The following DMXL2 variants were observed in gnomAD, a reference collection of about 807,000 sequenced individuals.
DMXL2 encodes the protein dmX-like protein 2.
DMXL2 carries 103 observed loss-of-function variants against 331.1 expected under a neutral mutation model. The observed-to-expected ratio is 0.31, with a 90% confidence interval of 0.27 to 0.37. The LOEUF (loss-of-function observed/expected upper bound fraction) is 0.37. Ranked by LOEUF, DMXL2 falls within the 10% of genes least tolerant of loss-of-function variation. The pLI, the probability that DMXL2 is intolerant of heterozygous loss-of-function variation, is 1.00. For synonymous variants in DMXL2, 1,281 were observed against 1,252.1 expected (o/e 1.02, Z -0.49); for missense variants, 3,171 against 3,642.9 (o/e 0.87, Z 3.33).
In DMXL2 at chr15:51,451,704, A is replaced by G; in HGVS notation, c.8697-7T>C. ...GTCCCAGAGGCAAACATTTCTTTTA[A>G]AGAAACACAATAACAAAAATACATC... On this transcript the variant is annotated splice_region_variant and splice_polypyrimidine_tract_variant and intron_variant, in intron 41 of 43. Coordinates refer to ENST00000560891, the MANE Select transcript of DMXL2 (RefSeq NM_001378457.1). 6.2e-7 allele frequency: 1 copy of G among 1,610,452 alleles called. No individual in the cohort carries two copies. The highest frequency in any genetic ancestry group is 8.5e-7 in the Non-Finnish European group (1 of 1,177,434).
rs1262352917 is a variant in DMXL2 at position 51,478,297 on chromosome 15, T to C, written c.6807A>G (p.Gln2269=). ...TGTAGCTATGACTGTCACATAATGC[T>C]TGGTAAATTGATGCAGAAAGTGATG... ...LAASLSASIY[Q]ALCDSHSYSS... Residue 2269 remains glutamine (Q), a synonymous_variant, in exon 26 of 44, where the codon CAA becomes CAG. Coordinates refer to ENST00000560891, the MANE Select transcript of DMXL2 (RefSeq NM_001378457.1). 7 of 1,613,110 alleles carry C rather than the reference T, an allele frequency of 4.3e-6. No individual in the cohort carries two copies. Among genetic ancestry groups the C allele is most frequent in the Non-Finnish European group, 5.9e-6 (7 of 1,179,512 alleles).
chr15:51,592,114 C>G (rs967946532), intron 1 of DMXL2, among the ~76,000 whole-genome samples: 12 of 152,060 alleles, frequency 7.9e-5, no homozygotes, highest in Admixed American at 6.6e-4. Flanking sequence ...GATCAAACTA[C>G]TCCGAGCTAA....
At chr15:51,519,473 A>G (rs1235491396) in intron 13 of DMXL2, among the ~76,000 whole-genome samples, 1 of 151,982 alleles carries the variant, frequency 6.6e-6, no homozygotes, top group Non-Finnish European at 1.5e-5. Context: ...AAAAATTGAA[A>G]AGTAGGTGCA....
At chr15:51,581,939 T>C (rs1239296153) in intron 1 of DMXL2, among the ~76,000 whole-genome samples, 2 of 151,970 alleles carry the variant, frequency 1.3e-5, no homozygotes, top group East Asian at 1.9e-4. Context: ...TGTTGAGAGG[T>C]TTAACAAAGT....
At chr15:51,509,532 C>T (rs929209182) in intron 15 of DMXL2, among the ~76,000 whole-genome samples, 2 of 152,190 alleles carry the variant, frequency 1.3e-5, no homozygotes, top group African/African-American at 4.8e-5. Context: ...CTGAATAGAC[C>T]AATAACAAGT....
At chr15:51,462,626 C>T (rs1271649472) in intron 33 of DMXL2, among the ~76,000 whole-genome samples, 1 of 152,098 alleles carries the variant, frequency 6.6e-6, no homozygotes, top group Non-Finnish European at 1.5e-5. Flanking sequence ...TGTGAGCCAC[C>T]GTGCCCGGCC....
chr15:51,528,919 C>A (rs2047841169), intron 13 of DMXL2, among the ~76,000 whole-genome samples: 1 of 152,052 alleles, frequency 6.6e-6, no homozygotes, highest in South Asian at 2.1e-4. Flanking sequence ...TCTTCTCTGA[C>A]CACATTGGAA....
chr15:51,508,567 G>T (rs1168915787), intron 15 of DMXL2, among the ~76,000 whole-genome samples: 1 of 152,102 alleles, frequency 6.6e-6, no homozygotes, highest in East Asian at 1.9e-4. Flanking sequence ...AAAATCCATT[G>T]AGTTATATGA....
intron 28 of DMXL2, among the ~76,000 whole-genome samples, chr15:51,472,378 T>A (rs1419637719): frequency 2.0e-5 from 3 of 152,172 alleles, no homozygotes; most frequent in Non-Finnish European, 4.4e-5. Flanking sequence ...AGGCAAATTT[T>A]ACATAAAATA....
Position 51,480,744 on chromosome 15 carries a change from A to G in DMXL2, c.6362T>C (p.Ile2121Thr), listed in dbSNP as rs369697925. 4.4e-6 allele frequency: 7 copies of G among 1,600,570 alleles called. No individual in the cohort carries two copies. The highest frequency in any genetic ancestry group is 4.5e-5 in the East Asian group (2 of 44,568). The change falls in exon 24 of 44, where the codon ATT becomes ACT. Residue 2121 changes from isoleucine (I) to threonine (T), a missense_variant. By Grantham distance (89) the Ile-to-Thr change is moderately conservative. This residue lies in a region of DMXL2 where 197 missense variants were observed against 196.2 expected (regional missense o/e 1.00). Coordinates refer to ENST00000560891, the MANE Select transcript of DMXL2 (RefSeq NM_001378457.1). ...DQEEMVDKPD[I>T]GSYERHQIER... ...TATTTGATGGCGCTCATAGGAACCA[A>G]TATCTGGTTTGTCTACCATTTCTTC...
chr15:51,552,009 A>T (rs1286120805), intron 6 of DMXL2, among the ~76,000 whole-genome samples: 2 of 152,218 alleles, frequency 1.3e-5, no homozygotes, highest in Admixed American at 1.3e-4. Flanking sequence ...AAAGACGACC[A>T]GGTAAAGAAT....
Position 51,481,566 on chromosome 15 carries a change from T to A in DMXL2, c.5540A>T (p.His1847Leu), listed in dbSNP as rs2042012060. 2 of 1,606,392 alleles carry A rather than the reference T, an allele frequency of 1.2e-6. No homozygotes were observed. Among genetic ancestry groups the A allele is most frequent in the Non-Finnish European group, 1.7e-6 (2 of 1,177,624 alleles). ...AFSFYNYLRTHPLLIRRNLAS... is the reference protein window; with the variant it reads ...AFSFYNYLRTLPLLIRRNLAS... ...AAGATTTCTTCGAATGAGCAAAGGA[T>A]GAGTTCGAAGGTAGTTATAAAAACT... Residue 1847 changes from histidine (H) to leucine (L), a missense_variant, in exon 24 of 44, where the codon CAT becomes CTT. Coordinates refer to ENST00000560891, the MANE Select transcript of DMXL2 (RefSeq NM_001378457.1).
At chr15:51,501,790 G>C (rs2043628810) in intron 17 of DMXL2, among the ~76,000 whole-genome samples, 1 of 151,200 alleles carries the variant, frequency 6.6e-6, no homozygotes, top group Non-Finnish European at 1.5e-5. Context: ...CATGGTGGTG[G>C]GCGCCTGTAG....
Position 51,474,192 on chromosome 15 carries a change from T to C in DMXL2, c.7213+152A>G, listed in dbSNP as rs2043916058. The C allele has an allele frequency of 1.4e-5, 9 of 650,450 alleles. No homozygotes were observed. The South Asian group carries it at 2.4e-4, about 17-fold the overall frequency. 40.3% of individuals were successfully genotyped at this position (650,450 alleles called of 1,614,324 possible). A position where few individuals can be genotyped will look rare whatever the true frequency, so the allele number is the denominator to read the frequency against. On this transcript the variant is annotated intron_variant, in intron 28 of 43. Transcript: ENST00000560891. ...AGTAACAAACTATATGTTTATTATA[T>C]CATGGGTTTAATTATTTGCTGTCAT...
Position 51,498,912 on chromosome 15 carries a change from C to T in DMXL2, c.4312G>A (p.Asp1438Asn), listed in dbSNP as rs759453431. The T allele has an allele frequency of 1.2e-6, 2 of 1,614,134 alleles. No individual in the cohort carries two copies. Among genetic ancestry groups the T allele is most frequent in the East Asian group, 4.5e-5 (2 of 44,878 alleles). Residue 1438 changes from aspartate to asparagine, a missense_variant, in exon 18 of 44, where the codon GAT becomes AAT. By Grantham distance (23) the Asp-to-Asn change is conservative. Around this residue, in one of 7 missense-constraint regions of DMXL2, gnomAD observed 1,674 missense variants for 1,780.2 expected, o/e 0.94. Coordinates refer to ENST00000560891, the MANE Select transcript of DMXL2 (RefSeq NM_001378457.1). ...PLPLYALLAA[D>N]QDTSYRISEE... ...GAAATTCTGTAGGATGTATCTTGAT[C>T]TGCAGCAAGTAATGCATATAGTGGT...
chr15:51,561,315 C>T lies in DMXL2; in HGVS notation c.567+2066G>A, dbSNP rs900255997. Among the ~76,000 whole-genome samples, 13 of 152,196 alleles carry T rather than the reference C, an allele frequency of 8.5e-5. No individual in the cohort carries two copies. The South Asian group carries it at 1.2e-3, about 15-fold the overall frequency. On this transcript the variant is annotated intron_variant, in intron 6 of 43. Transcript: ENST00000560891. Reference sequence around the variant, plus strand: ...TGGATAGTGTGCTTTGGCTTTGATTCTGGGTGAGTGCAGGAGAGTAGTCTT... The same window carrying T: ...TGGATAGTGTGCTTTGGCTTTGATTTTGGGTGAGTGCAGGAGAGTAGTCTT...
intron 18 of DMXL2, among the ~76,000 whole-genome samples, chr15:51,496,981 T>C (rs1246425881): frequency 6.6e-6 from 1 of 152,238 alleles, no homozygotes; most frequent in Non-Finnish European, 1.5e-5. Context: ...TATTTCTATA[T>C]TGCTTAGCCA....
intron 20 of DMXL2, 138 bp downstream of exon 20, chr15:51,491,440 T>C (rs2042790431): frequency 2.6e-6 from 2 of 758,124 alleles, no homozygotes; most frequent in Non-Finnish European, 4.1e-6. Flanking sequence ...AAATTCCATC[T>C]CCAAAAAAAA....
At position 51,548,817 on chromosome 15, in the gene DMXL2, G is replaced by A. The variant is rs559590812; in HGVS notation, c.568-1409C>T. ...AAAACTAAAAACTTCTAAATTACAG[G>A]GGAAATTTTAAAATATGTTGAAAAT... On this transcript the variant is annotated intron_variant, in intron 6 of 43. Coordinates refer to ENST00000560891, the MANE Select transcript of DMXL2 (RefSeq NM_001378457.1). Among the ~76,000 whole-genome samples, 6 of 151,892 alleles carry A rather than the reference G, an allele frequency of 4.0e-5. No homozygotes were observed. The South Asian group carries it at 8.3e-4, about 21-fold the overall frequency.
Sources: allele counts gnomAD v4.1 joint callset (sites outside exome capture counted in the v4.1 genomes callset), GRCh38; gene constraint gnomAD v4.1.1; regional missense constraint gnomAD v4.1.1; transcripts MANE v1.5; gene names NCBI Gene and HGNC (gene_info 2026-07-23, HGNC 2026-07-21).